The following CEP63 variants were observed in gnomAD, a reference collection of about 807,000 sequenced individuals.
The protein encoded by CEP63 is centrosomal protein of 63 kDa.
In CEP63, 84 loss-of-function variants were observed where a neutral mutation model predicts 89.1. The ratio of observed to expected loss-of-function variants is 0.94; its 90% CI spans 0.79 to 1.13. The LOEUF (loss-of-function observed/expected upper bound fraction) is 1.13. Among genes scored for constraint, CEP63 ranks in the 50% most tolerant of loss-of-function variants. The probability of loss-of-function intolerance (pLI) is 0.00; values close to 1 mark genes in which losing one functional copy is unlikely to be tolerated. For missense variants in CEP63, 838 were observed against 813.3 expected (o/e 1.03, Z -0.37); for synonymous variants, 267 against 272.5 (o/e 0.98, Z 0.20).
At chr3:134,628,041 A>G in the CEP63 span, 10 of 591,244 alleles carry the variant, frequency 1.7e-5, no homozygotes, top group Non-Finnish European at 2.7e-5. Flanking sequence ...GTGGCTGACA[A>G]GAAAGGGAGC....
the CEP63 span, among the ~76,000 whole-genome samples, chr3:134,661,959 A>G: frequency 1.3e-5 from 2 of 152,196 alleles, no homozygotes; most frequent in Admixed American, 6.5e-5. Flanking sequence ...ACCTTCTTTG[A>G]TCCTTCCGCC....
intron 12 of CEP63, among the ~76,000 whole-genome samples, 197 bp from the exon 13 acceptor site, chr3:134,557,945 T>TGCTTCTAG (rs1412998117): frequency 6.6e-6 from 1 of 152,220 alleles, no homozygotes; most frequent in Non-Finnish European, 1.5e-5. Context: ...AAGCCCGTTG[T>TGCTTCTAG]GCTTCTAGTG....
intron 2 of CEP63, among the ~76,000 whole-genome samples, chr3:134,503,519 T>C (rs1021767622): frequency 6.6e-6 from 1 of 152,170 alleles, no homozygotes; most frequent in African/African-American, 2.4e-5. Flanking sequence ...TGTCTTTAGG[T>C]CTCTTTGGTC....
At chr3:134,701,069 A>G in the CEP63 span, among the ~76,000 whole-genome samples, 2 of 151,344 alleles carry the variant, frequency 1.3e-5, no homozygotes, top group East Asian at 3.9e-4. Context: ...TTTGAAGAGG[A>G]CACATGTGTT....
chr3:134,683,361 G>A, the CEP63 span, among the ~76,000 whole-genome samples: 9 of 152,194 alleles, frequency 5.9e-5, no homozygotes, highest in African/African-American at 2.2e-4. Context: ...AGCTGGAAGG[G>A]ACCTAGGAGA....
rs543512322 is a variant in CEP63, at chr3:134,550,396, A to G, written c.1380+136A>G. ...GCTTTGAGCTGAGAGTATGCTGGCT[A>G]GCAAAGAGTTTAGTGAGCATGGTGG... On this transcript the variant is annotated intron_variant, in intron 11 of 14. Coordinates refer to ENST00000675561, the MANE Select transcript of CEP63 (RefSeq NM_001353108.3). 263 of 863,028 alleles carry G rather than the reference A, an allele frequency of 3.0e-4. 7 individuals are homozygous for G. In the African/African-American group the frequency reaches 3.6e-3, roughly 12 times the overall value. The allele number at this position is 863,028 out of a possible 1,614,324, so 53.5% of individuals were successfully genotyped here.
chr3:134,541,726 T>G (rs1423332698), intron 6 of CEP63, among the ~76,000 whole-genome samples: 1 of 146,392 alleles, frequency 6.8e-6, no homozygotes, highest in Non-Finnish European at 1.5e-5. Flanking sequence ...CTGGTCAGGC[T>G]TTTCTCGAAC....
chr3:134,632,994 A>T, the CEP63 span, among the ~76,000 whole-genome samples: 44 of 152,160 alleles, frequency 2.9e-4, 1 homozygote, highest in African/African-American at 1.0e-3. Flanking sequence ...TTCTGTGCAC[A>T]TAAATTCTAC....
chr3:134,582,852 CTTT>C (rs924551621), intron 10 of CEP63, among the ~76,000 whole-genome samples: 1 of 152,192 alleles, frequency 6.6e-6, no homozygotes, highest in African/African-American at 2.4e-5. Context: ...TGTTTCCTGA[CTTT>C]TTAATGATTG....
chr3:134,495,498 C>A (rs1158970322), intron 2 of CEP63, 134 bp downstream of exon 2: 5 of 638,056 alleles, frequency 7.8e-6, no homozygotes, highest in African/African-American at 1.9e-5. Context: ...CCTATCAGCT[C>A]AAGCATTTAT....
the CEP63 span, among the ~76,000 whole-genome samples, chr3:134,596,691 G>A: frequency 3.3e-5 from 5 of 152,132 alleles, no homozygotes; most frequent in African/African-American, 4.8e-5. Context: ...CTTGCCAAGC[G>A]TTTACCAAAC....
chr3:134,692,797 C>T, the CEP63 span, among the ~76,000 whole-genome samples: 1 of 152,206 alleles, frequency 6.6e-6, no homozygotes, highest in African/African-American at 2.4e-5. Context: ...GGTTCCAACA[C>T]TGACAGTCCT....
chr3:134,679,713 T>C, the CEP63 span, among the ~76,000 whole-genome samples: 5 of 152,140 alleles, frequency 3.3e-5, no homozygotes, highest in Non-Finnish European at 5.9e-5. Context: ...TAATCCAACA[T>C]GACTGGCAAT....
chr3:134,504,174 A>C (rs1942869663), intron 2 of CEP63, among the ~76,000 whole-genome samples: 1 of 150,092 alleles, frequency 6.7e-6, no homozygotes, highest in Admixed American at 6.6e-5. Context: ...TTTCTCCTCC[A>C]CGAGTGAGTC....
rs755371524 is a variant in CEP63, at chr3:134,564,481, C to T, written c.*2946C>T. ...GTGGCTCTGACCAGACTTTGCTATC[C>T]GCTTTGATTTCTGTCTTTCAGGGGC... On this transcript the variant is annotated 3_prime_UTR_variant, in exon 15 of 15. Coordinates refer to ENST00000675561, the MANE Select transcript of CEP63 (RefSeq NM_001353108.3). 1.9e-5 allele frequency: 19 copies of T among 985,280 alleles called. No individual in the cohort carries two copies. The highest frequency in any genetic ancestry group is 4.7e-5 in the South Asian group (1 of 21,290). 61.0% of individuals were successfully genotyped at this position (985,280 alleles called of 1,614,324 possible).
chr3:134,777,951 G>A, the CEP63 span, among the ~76,000 whole-genome samples: 1 of 151,644 alleles, frequency 6.6e-6, no homozygotes, highest in African/African-American at 2.4e-5. Context: ...TTTTCTGGAG[G>A]AAATTCAGAA....
the CEP63 span, among the ~76,000 whole-genome samples, chr3:134,707,967 A>T: frequency 6.6e-6 from 1 of 151,978 alleles, no homozygotes; most frequent in African/African-American, 2.4e-5. Context: ...TCTTTCACTG[A>T]TTGGGGTAAG....
the CEP63 span, among the ~76,000 whole-genome samples, chr3:134,723,218 A>C: frequency 1.3e-5 from 2 of 152,194 alleles, no homozygotes; most frequent in African/African-American, 4.8e-5. Context: ...TTATGAGTGG[A>C]GTGTATGTTT....
At position 134,495,258 on chromosome 3, in the gene CEP63, A is replaced by G. The variant is rs946290568; in HGVS notation, c.-25-38A>G. 3.6e-6 allele frequency: 5 copies of G among 1,398,340 alleles called. No homozygotes were observed. The African/African-American group carries it at 7.1e-5, about 20-fold the overall frequency. 86.6% of individuals were successfully genotyped at this position (1,398,340 alleles called of 1,614,324 possible). Reference sequence around the variant, plus strand: ...AAGTTAGAATGTTAGAACTGAAGAAATGAATTGTCTCATGACTGATATTTT... The same window carrying G: ...AAGTTAGAATGTTAGAACTGAAGAAGTGAATTGTCTCATGACTGATATTTT... On this transcript the variant is annotated intron_variant, in intron 1 of 14. Coordinates refer to ENST00000675561, the MANE Select transcript of CEP63 (RefSeq NM_001353108.3).
Sources: gnomAD v4.1 joint callset for allele counts (sites outside exome capture counted in the v4.1 genomes callset) on GRCh38, gnomAD v4.1.1 for gene constraint, MANE v1.5 for transcripts, NCBI Gene and HGNC (gene_info 2026-07-23, HGNC 2026-07-21) for gene names.